UNC13C: variants seen among roughly 807,000 people sequenced by gnomAD.
UNC13C encodes protein unc-13 homolog C.
UNC13C carries 174 observed loss-of-function variants against 245.4 expected under a neutral mutation model. The observed-to-expected ratio is 0.71, with a 90% CI of 0.63 to 0.80. The LOEUF is 0.80. Among genes scored for constraint, UNC13C ranks in the 30% least tolerant of loss-of-function variants. The pLI is 0.00. For synonymous variants in UNC13C, 992 were observed against 895.1 expected (o/e 1.11, Z -1.93); for missense variants, 2,829 against 2,602.9 (o/e 1.09, Z -1.89).
intron 7 of UNC13C, among the ~76,000 whole-genome samples, chr15:54,243,300 C>A (rs1356903439): frequency 6.6e-6 from 1 of 152,164 alleles, no homozygotes; most frequent in East Asian, 1.9e-4. Context: ...CATGTCCCTA[C>A]AAAGGACATG....
At chr15:54,263,036 A>G (rs563833322) in intron 8 of UNC13C, among the ~76,000 whole-genome samples, 11 of 152,294 alleles carry the variant, frequency 7.2e-5, no homozygotes, top group African/African-American at 9.6e-5. Flanking sequence ...GTGCTTGCCT[A>G]TAAATTATCC....
At chr15:54,490,791 C>T (rs988261722) in intron 19 of UNC13C, among the ~76,000 whole-genome samples, 4 of 152,044 alleles carry the variant, frequency 2.6e-5, no homozygotes, top group Admixed American at 6.6e-5. Flanking sequence ...CATAATTTTG[C>T]GGACATGCAC....
Position 54,623,875 on chromosome 15 carries a change from C to G in UNC13C, c.6280C>G (p.Leu2094Val), listed in dbSNP as rs1900963101. The part of the protein sequence containing the change: ...FVEVCILGPN[L>V]GDKKRKQGTK... The stretch of plus-strand genomic sequence containing the variant: ...GGAAGTTTGTATACTGGGACCCAAC[C>G]TTGGAGACAAGAAGAGAAAACAAGG... Residue 2094 changes from leucine to valine, a missense_variant, in exon 32 of 33, where the codon CTT becomes GTT. Leu to Val is a conservative substitution (Grantham distance 32). Coordinates refer to ENST00000260323, the MANE Select transcript of UNC13C (RefSeq NM_001080534.3). 6.2e-7 allele frequency: 1 copy of G among 1,613,076 alleles called. No individual in the cohort carries two copies. Among genetic ancestry groups the G allele is most frequent in the African/African-American group, 1.3e-5 (1 of 74,834 alleles).
chr15:54,004,113 T>C (rs2140979027), intron 1 of UNC13C, among the ~76,000 whole-genome samples: 1 of 152,270 alleles, frequency 6.6e-6, no homozygotes, highest in African/African-American at 2.4e-5. Context: ...TATTCATTAT[T>C]TCTATTTTTT....
At chr15:54,283,799 C>T (rs2037067828) in intron 10 of UNC13C, among the ~76,000 whole-genome samples, 1 of 152,002 alleles carries the variant, frequency 6.6e-6, no homozygotes, top group Non-Finnish European at 1.5e-5. Flanking sequence ...CGATTGGGCG[C>T]AGAGGCTCAG....
the UNC13C span, among the ~76,000 whole-genome samples, chr15:53,854,532 C>T: frequency 6.6e-6 from 1 of 152,184 alleles, no homozygotes. Context: ...GTTCTCCCAA[C>T]ACCATATATT....
At chr15:54,625,666 C>T (rs932630492) in intron 32 of UNC13C, among the ~76,000 whole-genome samples, 10 of 152,086 alleles carry the variant, frequency 6.6e-5, no homozygotes, top group African/African-American at 2.2e-4. Flanking sequence ...TTCCTATAGT[C>T]GTTTCAGCAC....
chr15:54,060,789 TA>T (rs1444843890), intron 2 of UNC13C, among the ~76,000 whole-genome samples: 1 of 152,156 alleles, frequency 6.6e-6, no homozygotes, highest in East Asian at 1.9e-4. Context: ...TATGCAGCCA[TA>T]AAAAATGATG....
intron 19 of UNC13C, among the ~76,000 whole-genome samples, chr15:54,451,048 G>A (rs1328276529): frequency 6.6e-6 from 1 of 151,984 alleles, no homozygotes; most frequent in Non-Finnish European, 1.5e-5. Context: ...TCAGCACTTT[G>A]AATATATCAT....
At chr15:53,968,266 CG>C in the UNC13C span, 1 of 152,168 alleles carries the variant, frequency 6.6e-6, no homozygotes, top group Non-Finnish European at 1.5e-5. Flanking sequence ...AGGCAACCCC[CG>C]TGGGTTCAGA....
At chr15:54,618,839 A>G (rs1400309619) in intron 30 of UNC13C, among the ~76,000 whole-genome samples, 3 of 152,176 alleles carry the variant, frequency 2.0e-5, no homozygotes, top group Non-Finnish European at 4.4e-5. Context: ...CGGGAGCCAA[A>G]CTGTGCAAAG....
the UNC13C span, among the ~76,000 whole-genome samples, chr15:53,901,066 A>T: frequency 6.6e-6 from 1 of 152,068 alleles, no homozygotes; most frequent in Non-Finnish European, 1.5e-5. Flanking sequence ...AATAATAATT[A>T]TTCTATACAC....
chr15:54,390,353 T>C (rs924019334), intron 17 of UNC13C, among the ~76,000 whole-genome samples: 2 of 152,192 alleles, frequency 1.3e-5, no homozygotes, highest in Non-Finnish European at 2.9e-5. Context: ...TATATGCTTT[T>C]CTGTAATGAA....
intron 8 of UNC13C, among the ~76,000 whole-genome samples, chr15:54,251,313 A>C (rs2036147092): frequency 6.6e-6 from 1 of 152,192 alleles, no homozygotes; most frequent in South Asian, 2.1e-4. Flanking sequence ...ACTTTGAGAA[A>C]ATATTTTAAC....
chr15:54,519,293 G>T (rs991021376), intron 24 of UNC13C, among the ~76,000 whole-genome samples: 35 of 152,112 alleles, frequency 2.3e-4, no homozygotes, highest in African/African-American at 8.0e-4. Context: ...AAGCCTGAAG[G>T]TGTAATTTAA....
chr15:54,181,157 A>G (rs77045626), intron 4 of UNC13C, among the ~76,000 whole-genome samples: 8,255 of 152,038 alleles, frequency 0.054, 277 homozygotes, highest in East Asian at 0.1. Flanking sequence ...TCTTTAATCC[A>G]TCTTCAGTTA....
intron 2 of UNC13C, among the ~76,000 whole-genome samples, chr15:54,137,707 TCC>T: frequency 6.6e-6 from 1 of 152,284 alleles, no homozygotes; most frequent in Non-Finnish European, 1.5e-5. Context: ...TTGATCCATT[TCC>T]CTTATTTTCT....
chr15:54,152,882 G>A (rs1179753079), intron 4 of UNC13C, among the ~76,000 whole-genome samples: 2 of 151,984 alleles, frequency 1.3e-5, no homozygotes, highest in Non-Finnish European at 2.9e-5. Flanking sequence ...AACACTGAGG[G>A]TGATAATTGT....
At chr15:54,091,590 T>A (rs191318739) in intron 2 of UNC13C, among the ~76,000 whole-genome samples, 40 of 152,302 alleles carry the variant, frequency 2.6e-4, no homozygotes, top group Non-Finnish European at 2.9e-4. Flanking sequence ...TTTGTTGATG[T>A]GTTTATTTCT....
Sources: gnomAD v4.1 joint callset for allele counts (sites outside exome capture counted in the v4.1 genomes callset) on GRCh38, gnomAD v4.1.1 for gene constraint, MANE v1.5 for transcripts, NCBI Gene and HGNC (gene_info 2026-07-23, HGNC 2026-07-21) for gene names.